The following MAP4K4 variants were observed in gnomAD, a reference collection of about 807,000 sequenced individuals.
The protein encoded by MAP4K4 is HPK/GCK-like kinase HGK.
A neutral mutation model predicts 189.6 loss-of-function variants in MAP4K4; 38 were observed. The observed-to-expected ratio is 0.20, with a 90% CI of 0.15 to 0.26. The LOEUF is 0.26. Ranked by LOEUF, MAP4K4 falls within the 10% of genes least tolerant of loss-of-function variation. The probability of loss-of-function intolerance (pLI) is 1.00; values close to 1 mark genes in which losing one functional copy is unlikely to be tolerated. For missense variants in MAP4K4, 1,054 were observed against 1,726.9 expected (o/e 0.61, Z 6.91); for synonymous variants, 610 against 624.3 (o/e 0.98, Z 0.34).
intron 2 of MAP4K4, among the ~76,000 whole-genome samples, chr2:101,709,073 C>T (rs2043990303): frequency 6.6e-6 from 1 of 152,146 alleles, no homozygotes; most frequent in African/African-American, 2.4e-5. Flanking sequence ...CTTCTTGTTT[C>T]CCTTTAGTGT....
intron 3 of MAP4K4, among the ~76,000 whole-genome samples, chr2:101,799,614 G>GT (rs1459923497): frequency 2.0e-5 from 3 of 148,200 alleles, no homozygotes; most frequent in South Asian, 2.1e-4. Context: ...TTTGATTTTT[G>GT]TTTTTTCAGA....
chr2:101,864,544 A>G (rs1313904924), intron 17 of MAP4K4, among the ~76,000 whole-genome samples: 1 of 152,228 alleles, frequency 6.6e-6, no homozygotes, highest in Non-Finnish European at 1.5e-5. Context: ...TCCTCTGAAT[A>G]TTTTCTTGCT....
At chr2:101,760,725 C>T (rs1432214566) in intron 2 of MAP4K4, among the ~76,000 whole-genome samples, 1 of 151,994 alleles carries the variant, frequency 6.6e-6, no homozygotes, top group African/African-American at 2.4e-5. Flanking sequence ...AATTGTTGGC[C>T]CGGCGCAGTG....
chr2:101,882,359 G>GT (rs575985179), intron 27 of MAP4K4, among the ~76,000 whole-genome samples, 192 bp from the exon 28 acceptor site: 31 of 152,232 alleles, frequency 2.0e-4, no homozygotes, highest in East Asian at 1.7e-3. Flanking sequence ...ATTTATAGGA[G>GT]TTTTTTTACA....
At chr2:101,891,991 A>AAAAAAAAAAAAAAAAAAAAAAAAAG in exon 33 of MAP4K4, 1 of 82,180 alleles carries the variant, frequency 1.2e-5, no homozygotes, top group Non-Finnish European at 3.1e-5. Context: ...TGGTTCTAAA[A>AAAAAAAAAAAAAAAAAAAAAAAAAG]AAAAAAAAAA....
rs532949672 is a variant in MAP4K4, at chr2:101,859,892, A to G, written c.1704+28A>G. The G allele has an allele frequency of 1.5e-5, 23 of 1,566,308 alleles. No individual in the cohort carries two copies. The East Asian group carries it at 3.8e-4, about 26-fold the overall frequency. On this transcript the variant is annotated intron_variant, in intron 15 of 32. Coordinates refer to ENST00000324219, the Ensembl canonical transcript of MAP4K4. ...ATCCTCTTTCCTTTGTCACTTAGACATTGCCCTGGAAAGTCGTATAACGAC... is the reference window on the plus strand; with the variant it reads ...ATCCTCTTTCCTTTGTCACTTAGACGTTGCCCTGGAAAGTCGTATAACGAC...
At chr2:101,849,307 T>C (rs1473799763) in intron 12 of MAP4K4, among the ~76,000 whole-genome samples, 6 of 152,070 alleles carry the variant, frequency 3.9e-5, no homozygotes, top group Non-Finnish European at 8.8e-5. Context: ...ATTTTTTGTT[T>C]TGTAGAGATG....
chr2:101,871,511 G>T, exon 24 of MAP4K4: 1 of 1,535,274 alleles, frequency 6.5e-7, no homozygotes, highest in Non-Finnish European at 8.7e-7. Flanking sequence ...TTGACCAAAA[G>T]CGTGCCAGCC....
chr2:101,870,244 T>A, intron 22 of MAP4K4, 51 bp from the exon 23 acceptor site: 1 of 1,592,268 alleles, frequency 6.3e-7, no homozygotes, highest in Non-Finnish European at 8.6e-7. Context: ...AAACAGGATC[T>A]CCTTGACTCC....
chr2:101,778,040 A>G (rs2085218023), intron 2 of MAP4K4, among the ~76,000 whole-genome samples: 1 of 152,156 alleles, frequency 6.6e-6, no homozygotes, highest in Non-Finnish European at 1.5e-5. Context: ...TCTACCAGTA[A>G]TTCCGTAGGG....
At chr2:101,857,344 G>T (rs2097504428) in intron 13 of MAP4K4, among the ~76,000 whole-genome samples, 1 of 152,134 alleles carries the variant, frequency 6.6e-6, no homozygotes, top group African/African-American at 2.4e-5. Flanking sequence ...TTTCATTTCA[G>T]CATAAGTGTG....
At chr2:101,768,486 T>A (rs1321841170) in intron 2 of MAP4K4, among the ~76,000 whole-genome samples, 2 of 152,242 alleles carry the variant, frequency 1.3e-5, no homozygotes, top group Non-Finnish European at 2.9e-5. Flanking sequence ...TGTATGCTTT[T>A]GATTATAGTC....
At chr2:101,835,464 A>G (rs1292010620) in intron 8 of MAP4K4, among the ~76,000 whole-genome samples, 5 of 152,354 alleles carry the variant, frequency 3.3e-5, no homozygotes, top group East Asian at 3.9e-4. Flanking sequence ...ATTTTTAGCT[A>G]TAACAACAAA....
At chr2:101,799,157 C>G (rs753716640) in intron 3 of MAP4K4, among the ~76,000 whole-genome samples, 1 of 152,258 alleles carries the variant, frequency 6.6e-6, no homozygotes, top group Non-Finnish European at 1.5e-5. Flanking sequence ...GTAGTCATAT[C>G]CTGCCTTTTT....
intron 30 of MAP4K4, 72 bp downstream of exon 30, chr2:101,887,309 T>G (rs2098501710): frequency 6.8e-7 from 1 of 1,466,748 alleles, no homozygotes; most frequent in Admixed American, 2.1e-5. Flanking sequence ...TTTACTCTGC[T>G]TAGTGAACTA....
chr2:101,747,407 C>T (rs1260794578), intron 2 of MAP4K4, among the ~76,000 whole-genome samples: 2 of 152,122 alleles, frequency 1.3e-5, no homozygotes, highest in African/African-American at 4.8e-5. Flanking sequence ...CGTGAGTCAC[C>T]ATGCCCGGCC....
intron 26 of MAP4K4, among the ~76,000 whole-genome samples, chr2:101,875,022 G>C (rs2098160589): frequency 6.6e-6 from 1 of 152,136 alleles, no homozygotes; most frequent in African/African-American, 2.4e-5. Context: ...GTTATTACCA[G>C]ATTCTTGACA....
At chr2:101,722,279 T>A (rs922769687) in intron 2 of MAP4K4, among the ~76,000 whole-genome samples, 1 of 152,258 alleles carries the variant, frequency 6.6e-6, no homozygotes, top group Admixed American at 6.5e-5. Flanking sequence ...TATTCTGATG[T>A]GCCTTTGAGC....
intron 2 of MAP4K4, among the ~76,000 whole-genome samples, chr2:101,729,101 AGTGTGT>A (rs57635166): frequency 1.5e-5 from 2 of 130,504 alleles, no homozygotes; most frequent in Non-Finnish European, 3.2e-5. Flanking sequence ...AGAGAGAGAG[AGTGTGT>A]GTGTGTGTGT....
Sources: gnomAD v4.1 joint callset for allele counts (sites outside exome capture counted in the v4.1 genomes callset) on GRCh38, gnomAD v4.1.1 for gene constraint, MANE v1.5 for transcripts, NCBI Gene and HGNC (gene_info 2026-07-23, HGNC 2026-07-21) for gene names.